Variants in STMN3 observed in about 807,000 individuals in gnomAD.
The protein encoded by STMN3 is stathmin 3.
A neutral mutation model predicts 23.2 loss-of-function variants in STMN3; 24 were observed. The observed-to-expected ratio is 1.03, with a 90% confidence interval of 0.75 to 1.45. The LOEUF (loss-of-function observed/expected upper bound fraction) is 1.45, where lower values mean the gene tolerates loss of function less well. STMN3 is among the 40% of genes most tolerant of loss of function. The probability of loss-of-function intolerance (pLI) is 0.00; values close to 1 mark genes in which losing one functional copy is unlikely to be tolerated. For missense variants in STMN3, 235 were observed against 237.6 expected (o/e 0.99, Z 0.07); for synonymous variants, 117 against 103.4 (o/e 1.13, Z -0.80).
intron 4 of STMN3, among the ~76,000 whole-genome samples, chr20:63,641,599 G>A (rs2089762737): frequency 6.6e-6 from 1 of 152,194 alleles, no homozygotes; most frequent in Admixed American, 6.5e-5. Context: ...GGGTTTCCTG[G>A]GAGCTGGCTG....
chr20:63,646,163 A>G (rs2089807225), intron 1 of STMN3, among the ~76,000 whole-genome samples: 1 of 152,034 alleles, frequency 6.6e-6, no homozygotes. Context: ...ACAGAGCCCA[A>G]GAGGGTGTAA....
intron 1 of STMN3, among the ~76,000 whole-genome samples, chr20:63,650,679 CG>C (rs2089851650): frequency 8.6e-6 from 1 of 115,818 alleles, no homozygotes; most frequent in African/African-American, 3.5e-5. Context: ...GGATGGTGCC[CG>C]CTCCCAGGGT....
chr20:63,648,863 A>G (rs76261478), intron 1 of STMN3, among the ~76,000 whole-genome samples: 48 of 152,258 alleles, frequency 3.2e-4, no homozygotes, highest in African/African-American at 1.2e-3. Flanking sequence ...CATACAGAGG[A>G]AGGACAAACA....
At position 63,640,263 on chromosome 20, in the gene STMN3, T is replaced by C. The variant is rs1269943603; in HGVS notation, c.*1075A>G. The C allele has an allele frequency of 6.6e-6, 1 of 152,454 alleles. No individual in the cohort carries two copies. The highest frequency in any genetic ancestry group is 2.4e-5 in the African/African-American group (1 of 41,306). 9.4% of individuals were successfully genotyped at this position (152,454 alleles called of 1,614,324 possible). On this transcript the variant is annotated 3_prime_UTR_variant, in exon 5 of 5. Transcript: ENST00000370053. ...CGTCCTCCAAGGCCAGCACTGGGCG[T>C]CCAAGGGAAAGAAGGAACTCAGCCC...
At chr20:63,647,491 G>A (rs1164747997) in intron 1 of STMN3, among the ~76,000 whole-genome samples, 2 of 149,876 alleles carry the variant, frequency 1.3e-5, no homozygotes, top group East Asian at 2.0e-4. Flanking sequence ...TGGCGGGCAC[G>A]TGTAGTCCCA....
At position 63,653,385 on chromosome 20, in the gene STMN3, G is replaced by A. The variant is rs1425426114; in HGVS notation, c.-40C>T. On this transcript the variant is annotated 5_prime_UTR_variant, in exon 1 of 5. Coordinates refer to ENST00000370053, the MANE Select transcript of STMN3 (RefSeq NM_015894.4). ...TTGGGCCTGCGGAGGCTGGAGAGGC[G>A]CAAGTGGCGGCCGGAGCTGCAGACG... is the stretch of plus-strand genomic sequence containing the variant. 1.3e-6 allele frequency: 2 copies of A among 1,528,178 alleles called. No individual in the cohort carries two copies. Among genetic ancestry groups the A allele is most frequent in the African/African-American group, 1.4e-5 (1 of 70,902 alleles). 94.7% of individuals were successfully genotyped at this position (1,528,178 alleles called of 1,614,324 possible).
At position 63,644,277 on chromosome 20, in the gene STMN3, G is replaced by A; in HGVS notation, c.52C>T (p.Leu18=). The A allele has an allele frequency of 6.2e-7, 1 of 1,613,650 alleles. No individual in the cohort carries two copies. Among genetic ancestry groups the A allele is most frequent in the Non-Finnish European group, 8.5e-7 (1 of 1,179,878 alleles). The stretch of plus-strand genomic sequence containing the variant: ...TAGAAGCAGGAGCAGATGAGCGACA[G>A]CACCGACAGCTCCTTCATCTTCTCC... The part of the protein sequence containing the change: ...YKEKMKELSV[L]SLICSCFYTQ... The change falls in exon 2 of 5, where the codon CTG becomes TTG. Residue 18 remains leucine, a synonymous_variant. Transcript: ENST00000370053.
Position 63,642,195 on chromosome 20 carries a change from C to T in STMN3, c.396G>A (p.Ala132=), listed in dbSNP as rs201726960. Residue 132 remains alanine (A), a synonymous_variant, in exon 4 of 5, where the codon GCG becomes GCA. Transcript: ENST00000370053. ...CCATCTTGTAGTTGAGCTTCTCCTC[C>T]GCCTGGCGGCTGAAGTTGTTATTCT... ...LEENNNFSRQ[A]EEKLNYKMEL... The T allele has an allele frequency of 2.3e-4, 365 of 1,563,904 alleles. No individual in the cohort carries two copies. The highest frequency in any genetic ancestry group is 5.1e-4 in the Middle Eastern group (3 of 5,840).
chr20:63,646,423 C>T (rs1393549371), intron 1 of STMN3, among the ~76,000 whole-genome samples: 4 of 151,966 alleles, frequency 2.6e-5, no homozygotes, highest in Admixed American at 1.3e-4. Context: ...GGTGCGATCT[C>T]GGCTCACCGC....
intron 3 of STMN3, among the ~76,000 whole-genome samples, chr20:63,642,909 A>G (rs2089780356): frequency 6.6e-6 from 1 of 152,042 alleles, no homozygotes; most frequent in Non-Finnish European, 1.5e-5. Flanking sequence ...AAGGGAACGG[A>G]GCCGCTTCCC....
chr20:63,641,467 C>A, intron 4 of STMN3, 70 bp from the exon 5 acceptor site: 1 of 1,383,356 alleles, frequency 7.2e-7, no homozygotes, highest in East Asian at 2.5e-5. Context: ...CCCCCAGGCG[C>A]GCAGGCCGTG....
At chr20:63,649,869 C>T (rs1419264012) in intron 1 of STMN3, among the ~76,000 whole-genome samples, 1 of 150,434 alleles carries the variant, frequency 6.6e-6, no homozygotes, top group East Asian at 1.9e-4. Flanking sequence ...CTCTGTCACC[C>T]AGGCTGGAGT....
intron 1 of STMN3, among the ~76,000 whole-genome samples, chr20:63,645,224 C>A (rs181148787): frequency 6.6e-6 from 1 of 152,348 alleles, no homozygotes; most frequent in African/African-American, 2.4e-5. Flanking sequence ...GGGACCAGCA[C>A]AGATGCAAAC....
chr20:63,643,567 C>A, intron 3 of STMN3, 189 bp downstream of exon 3: 1 of 922,308 alleles, frequency 1.1e-6, no homozygotes, highest in Non-Finnish European at 1.3e-6. Flanking sequence ...AGGCGTGAGC[C>A]ACCACACCCG....
intron 1 of STMN3, among the ~76,000 whole-genome samples, chr20:63,647,928 ACGTATATATGTGTG>A (rs2089828113): frequency 2.1e-5 from 1 of 46,816 alleles, no homozygotes; most frequent in Non-Finnish European, 4.2e-5. Context: ...TAATATATAT[ACGTATATATGTGTG>A]TGTGTGTATA....
chr20:63,651,022 C>G (rs2089854910), intron 1 of STMN3, among the ~76,000 whole-genome samples: 1 of 150,032 alleles, frequency 6.7e-6, no homozygotes, highest in African/African-American at 2.5e-5. Flanking sequence ...TGCAATGGCA[C>G]AATCTCAGCT....
Position 63,652,842 on chromosome 20 carries a change from GC to G in STMN3, c.19+484del. On this transcript the variant is annotated intron_variant, in intron 1 of 4. Transcript: ENST00000370053. This position sits in a 1 kb window ranked among gnomAD's most constrained non-coding sequence, Gnocchi z 5.3. ...CCCCCCTCCTTCAGCGCCCCCTCCA[GC>G]CCCTGTGCTGCACTGGCGCGGGGAG... is the stretch of plus-strand genomic sequence containing the variant. 1 of 961,928 alleles carries G rather than the reference GC, an allele frequency of 1.0e-6. No homozygotes were observed. The highest frequency in any genetic ancestry group is 1.2e-6 in the Non-Finnish European group (1 of 808,516). 59.6% of individuals were successfully genotyped at this position (961,928 alleles called of 1,614,324 possible). A position where few individuals can be genotyped will look rare whatever the true frequency, so the allele number is the denominator to read the frequency against.
chr20:63,641,235 TG>T lies in STMN3; in HGVS notation c.*102del. 1.0e-6 allele frequency: 1 copy of T among 961,766 alleles called. No individual in the cohort carries two copies. The allele number at this position is 961,766 out of a possible 1,614,324, so 59.6% of individuals were successfully genotyped here. A position where few individuals can be genotyped will look rare whatever the true frequency, so the allele number is the denominator to read the frequency against. On this transcript the variant is annotated 3_prime_UTR_variant, in exon 5 of 5. Transcript: ENST00000370053. ...AGAAGCATGAAGCTGGGGGCGGGGG[TG>T]GGGGAGGAGGAACAAAAGTTGCATC...
Position 63,652,721 on chromosome 20 carries a change from G to A in STMN3, c.19+606C>T, listed in dbSNP as rs1232047075. ...GCAGTGGCTTTTCTGGCCAGAGCAG[G>A]TGGCGCGGGCGTCGCAAAGGGTGGT... On this transcript the variant is annotated intron_variant, in intron 1 of 4. Transcript: ENST00000370053. This position sits in a 1 kb window ranked among gnomAD's most constrained non-coding sequence, Gnocchi z 5.3. 1 of 985,888 alleles carries A rather than the reference G, an allele frequency of 1.0e-6. No homozygotes were observed. Among genetic ancestry groups the A allele is most frequent in the Non-Finnish European group, 1.2e-6 (1 of 830,424 alleles). 61.1% of individuals were successfully genotyped at this position (985,888 alleles called of 1,614,324 possible).
Sources: gnomAD v4.1 joint callset for allele counts (sites outside exome capture counted in the v4.1 genomes callset) on GRCh38, gnomAD v4.1.1 for gene constraint, Gnocchi (gnomAD v3.1) non-coding constraint, MANE v1.5 for transcripts, NCBI Gene and HGNC (gene_info 2026-07-23, HGNC 2026-07-21) for gene names.